HRK: variants seen among roughly 807,000 people sequenced by gnomAD.
HRK encodes the protein harakiri, BCL2 interacting protein, also known as activator of apoptosis harakiri.
In HRK, 6 loss-of-function variants were observed where a neutral mutation model predicts 5.9. The ratio of observed to expected loss-of-function variants is 1.02; its 90% confidence interval spans 0.56 to 2.01. HRK has a LOEUF of 2.01. Ranked by LOEUF, HRK falls within the 30% of genes most tolerant of loss-of-function variation. The probability of loss-of-function intolerance (pLI) is 0.00; values close to 1 mark genes in which losing one functional copy is unlikely to be tolerated. For missense variants in HRK, 133 were observed against 128.3 expected (o/e 1.04, Z -0.18); for synonymous variants, 85 against 65.1 (o/e 1.31, Z -1.47).
intron 1 of HRK, among the ~76,000 whole-genome samples, chr12:116,872,326 T>A (rs1197204857): frequency 6.6e-6 from 1 of 152,022 alleles, no homozygotes; most frequent in African/African-American, 2.4e-5. Context: ...GATTGCGCCA[T>A]TGCACTCCAG....
rs12311393 is a variant in HRK at position 116,881,094 on chromosome 12, G to A, written c.214C>T (p.Leu72=). Reference sequence around the variant, plus strand: ...GCCGCCACCTGCGCGGCCGCGCACAGCCAAGGCCAGTAGGTGGGGAGCGCG... The same window carrying A: ...GCCGCCACCTGCGCGGCCGCGCACAACCAAGGCCAGTAGGTGGGGAGCGCG... ...PGALPTYWPW[L]CAAAQVAALA... Residue 72 remains leucine (L), a synonymous_variant, in exon 1 of 2, where the codon CTG becomes TTG. Coordinates refer to ENST00000257572, the MANE Select transcript of HRK (RefSeq NM_003806.4). 5.3e-3 allele frequency: 6,934 copies of A among 1,303,568 alleles called. 298 individuals are homozygous for A. The African/African-American group carries it at 0.093, about 18-fold the overall frequency. 80.8% of individuals were successfully genotyped at this position (1,303,568 alleles called of 1,614,324 possible).
intron 1 of HRK, among the ~76,000 whole-genome samples, chr12:116,867,044 C>T (rs1303230352): frequency 6.6e-6 from 1 of 151,842 alleles, no homozygotes; most frequent in African/African-American, 2.4e-5. Flanking sequence ...AATCCCAGCA[C>T]TTTGGGAGGC....
intron 1 of HRK, among the ~76,000 whole-genome samples, chr12:116,880,533 G>A (rs1879107221): frequency 6.6e-6 from 1 of 152,186 alleles, no homozygotes. Flanking sequence ...TGGAGACGGG[G>A]GCGACTCAGG....
intron 1 of HRK, among the ~76,000 whole-genome samples, chr12:116,865,139 A>C (rs1017913147): frequency 2.0e-5 from 3 of 152,154 alleles, no homozygotes; most frequent in African/African-American, 7.2e-5. Flanking sequence ...TGAAAACCGT[A>C]AACCCCAGTG....
At chr12:116,873,679 T>A (rs1020606860) in intron 1 of HRK, among the ~76,000 whole-genome samples, 6 of 152,142 alleles carry the variant, frequency 3.9e-5, no homozygotes, top group Non-Finnish European at 8.8e-5. Flanking sequence ...AGCTACTTTT[T>A]AAAAAAGTAA....
In HRK at chr12:116,862,561, C is replaced by T. The variant is rs952577201; in HGVS notation, c.*57-1095G>A. On this transcript the variant is annotated intron_variant, in intron 1 of 1. Transcript: ENST00000257572. This position sits in a 1 kb window ranked among gnomAD's most constrained non-coding sequence, Gnocchi z 4.0. ...GAATGGTGGTTGCCTAGGGCCGGGG[C>T]GGATAGGAGGAATTGGGGAGTGATA... Among the ~76,000 whole-genome samples, 1 of 151,986 alleles carries T rather than the reference C, an allele frequency of 6.6e-6. No homozygotes were observed. Among genetic ancestry groups the T allele is most frequent in the South Asian group, 2.1e-4 (1 of 4,822 alleles).
chr12:116,872,365 A>AAAAC (rs891787650), intron 1 of HRK, among the ~76,000 whole-genome samples: 2 of 152,190 alleles, frequency 1.3e-5, no homozygotes, highest in African/African-American at 2.4e-5. Flanking sequence ...ACTTCATCTC[A>AAAAC]AAACAAACAA....
In HRK at chr12:116,862,897, C is replaced by T. The variant is rs143442185; in HGVS notation, c.*57-1431G>A. 1.3e-4 allele frequency among the ~76,000 whole-genome samples: 20 copies of T among 152,120 alleles called. No homozygotes were observed. In the East Asian group the frequency reaches 2.7e-3, roughly 21 times the overall value. The stretch of plus-strand genomic sequence containing the variant: ...GACTACAGGTGCATGCCATCATGCC[C>T]GGCTAAATTTTTGTATTTTTAGTAG... On this transcript the variant is annotated intron_variant, in intron 1 of 1. Coordinates refer to ENST00000257572, the MANE Select transcript of HRK (RefSeq NM_003806.4). The surrounding 1 kb of genome is among the most constrained non-coding windows in gnomAD (Gnocchi z 4.0).
intron 1 of HRK, among the ~76,000 whole-genome samples, chr12:116,869,013 G>A (rs1362192980): frequency 6.8e-6 from 1 of 146,984 alleles, no homozygotes; most frequent in African/African-American, 2.6e-5. Flanking sequence ...ACAGCCTGTT[G>A]TCTGGGCTGG....
At chr12:116,861,630 A>C (rs887445178) in intron 1 of HRK, among the ~76,000 whole-genome samples, 164 bp from the exon 2 acceptor site, 4 of 152,128 alleles carry the variant, frequency 2.6e-5, no homozygotes, top group African/African-American at 9.7e-5. Context: ...ATGCCTCAAA[A>C]GCTAGTCTTG....
intron 1 of HRK, among the ~76,000 whole-genome samples, chr12:116,870,022 G>C (rs1878690058): frequency 6.6e-6 from 1 of 152,206 alleles, no homozygotes; most frequent in African/African-American, 2.4e-5. Context: ...AGAGGTTGCA[G>C]TGAGCCAAGA....
rs765276434 is a variant in HRK, at chr12:116,878,827, G to T, written c.*56+2149C>A. 2.0e-5 allele frequency among the ~76,000 whole-genome samples: 3 copies of T among 152,180 alleles called. No individual in the cohort carries two copies. Among genetic ancestry groups the T allele is most frequent in the Non-Finnish European group, 4.4e-5 (3 of 68,018 alleles). ...TGTCTCCGAGTCAGGGCGCAGCACG[G>T]AAGTAACTCTGGGGTAGAAGGCGAG... On this transcript the variant is annotated intron_variant, in intron 1 of 1. Transcript: ENST00000257572. The surrounding 1 kb of genome is among the most constrained non-coding windows in gnomAD (Gnocchi z 4.4).
chr12:116,871,239 G>T (rs1278274774), intron 1 of HRK, among the ~76,000 whole-genome samples: 1 of 151,520 alleles, frequency 6.6e-6, no homozygotes, highest in Non-Finnish European at 1.5e-5. Context: ...TTACAGGTGT[G>T]AGCCACCACA....
Position 116,878,466 on chromosome 12 carries a change from G to T in HRK, c.*56+2510C>A, listed in dbSNP as rs547984424. ...CCCTTTACTTAACTTACCAGAGCTG[G>T]GAAAAAATGAGTTTCCCCAAATTAA... On this transcript the variant is annotated intron_variant, in intron 1 of 1. Coordinates refer to ENST00000257572, the MANE Select transcript of HRK (RefSeq NM_003806.4). This position sits in a 1 kb window ranked among gnomAD's most constrained non-coding sequence, Gnocchi z 4.4. 1 of 152,344 alleles carries T rather than the reference G, an allele frequency of 6.6e-6. No individual in the cohort carries two copies. Among genetic ancestry groups the T allele is most frequent in the South Asian group, 2.1e-4 (1 of 4,832 alleles). 9.4% of individuals were successfully genotyped at this position (152,344 alleles called of 1,614,324 possible). A position where few individuals can be genotyped will look rare whatever the true frequency, so the allele number is the denominator to read the frequency against.
In HRK at chr12:116,859,074, TAAAAC is replaced by T. The variant is rs1281007340; in HGVS notation, c.*2444_*2448del. 2 of 152,166 alleles carry T rather than the reference TAAAAC, an allele frequency of 1.3e-5. No homozygotes were observed. The highest frequency in any genetic ancestry group is 4.8e-5 in the African/African-American group (2 of 41,444). The allele number at this position is 152,166 out of a possible 1,614,324, so 9.4% of individuals were successfully genotyped here. ...GATTCGATAAATACGTGGTCTCTAA[TAAAAC>T]AGGAGAATATCTACAAGGGACTTGG... is the stretch of plus-strand genomic sequence containing the variant. On this transcript the variant is annotated 3_prime_UTR_variant, in exon 2 of 2. Transcript: ENST00000257572.
chr12:116,880,923 C>T, intron 1 of HRK, 53 bp downstream of exon 1: 1 of 786,636 alleles, frequency 1.3e-6, no homozygotes, highest in Non-Finnish European at 1.7e-6. Flanking sequence ...GCCAGCCCAG[C>T]GTCTCCAGTG....
Position 116,880,999 on chromosome 12 carries a change from T to A in HRK, c.*33A>T. 7.8e-7 allele frequency: 1 copy of A among 1,288,068 alleles called. No homozygotes were observed. Among genetic ancestry groups the A allele is most frequent in the Non-Finnish European group, 9.8e-7 (1 of 1,015,562 alleles). The allele number at this position is 1,288,068 out of a possible 1,614,324, so 79.8% of individuals were successfully genotyped here. ...ACCTGTTGCTCGCTCCGGCTGGGTC[T>A]CGGCTCCGGCCCCACCAAGAAGCCC... On this transcript the variant is annotated 3_prime_UTR_variant, in exon 1 of 2. Coordinates refer to ENST00000257572, the MANE Select transcript of HRK (RefSeq NM_003806.4).
At position 116,881,034 on chromosome 12, in the gene HRK, A is replaced by C; in HGVS notation, c.274T>G (p.Ter92GluextTer55). 7 of 1,345,036 alleles carry C rather than the reference A, an allele frequency of 5.2e-6. No homozygotes were observed. Among genetic ancestry groups the C allele is most frequent in the Non-Finnish European group, 6.7e-6 (7 of 1,048,944 alleles). 83.3% of individuals were successfully genotyped at this position (1,345,036 alleles called of 1,614,324 possible). ...AAWLLGRRNL[*>E] ...CCCCACCAAGAAGCCCCGCGTTCCT[A>C]CAAGTTCCGCCTGCCGAGCAGCCAG... Residue 92 changes from the stop codon to glutamate (E), a stop_lost, in exon 1 of 2, where the codon TAG (stop) becomes GAG (glutamate). Coordinates refer to ENST00000257572, the MANE Select transcript of HRK (RefSeq NM_003806.4).
At chr12:116,880,587 G>A (rs974857893) in intron 1 of HRK, among the ~76,000 whole-genome samples, 33 of 152,170 alleles carry the variant, frequency 2.2e-4, no homozygotes, top group African/African-American at 7.7e-4. Context: ...TTTCTTGGAA[G>A]TGCGATAGAT....
Sources: gnomAD v4.1 joint callset for allele counts (sites outside exome capture counted in the v4.1 genomes callset) on GRCh38, gnomAD v4.1.1 for gene constraint, Gnocchi (gnomAD v3.1) non-coding constraint, MANE v1.5 for transcripts, NCBI Gene and HGNC (gene_info 2026-07-23, HGNC 2026-07-21) for gene names.